CROCC2: variants seen among roughly 807,000 people sequenced by gnomAD.
CROCC2 encodes ciliary rootlet coiled-coil protein 2.
In CROCC2, 163 loss-of-function variants were observed where a neutral mutation model predicts 177.6. The ratio of observed to expected loss-of-function variants is 0.92; its 90% CI spans 0.81 to 1.05. The LOEUF (loss-of-function observed/expected upper bound fraction) is 1.05, where lower values mean the gene tolerates loss of function less well. Among genes scored for constraint, CROCC2 ranks in the 50% least tolerant of loss-of-function variants. CROCC2 has a pLI of 0.00. For missense variants in CROCC2, 1,929 were observed against 1,797.8 expected, an observed-to-expected ratio of 1.07 and a Z score of -1.32; for synonymous variants, 904 against 787.3, an observed-to-expected ratio of 1.15 and a Z score of -2.48.
intron 30 of CROCC2, 34 bp from the exon 31 acceptor site, chr2:240,991,162 G>A (rs1057318437): frequency 6.7e-7 from 1 of 1,495,218 alleles, no homozygotes. Flanking sequence ...CGTGCAGCCT[G>A]CCCACCTGAC....
intron 21 of CROCC2, 115 bp from the exon 22 acceptor site, chr2:240,964,351 T>G (rs2059662530): frequency 1.6e-6 from 2 of 1,263,380 alleles, no homozygotes; most frequent in Admixed American, 2.2e-5. Context: ...TTGAGGACAC[T>G]GTGCAGAGTC....
chr2:240,988,616 C>A (rs1046243064), intron 28 of CROCC2, 123 bp from the exon 29 acceptor site: 2 of 1,065,262 alleles, frequency 1.9e-6, no homozygotes, highest in Non-Finnish European at 1.2e-6. Context: ...CTTCCTGACG[C>A]TGCCAGCTCT....
chr2:240,966,130 A>G (rs911939754), intron 24 of CROCC2, 95 bp from the exon 25 acceptor site: 8 of 1,253,958 alleles, frequency 6.4e-6, no homozygotes, highest in African/African-American at 3.1e-5. Context: ...CGTCTCCCCA[A>G]CCTCCCATGG....
rs12479396 is a variant in CROCC2 at position 240,949,754 on chromosome 2, G to C, written c.2652+52G>C. Reference sequence around the variant, plus strand: ...GCTTCCTAGAAGGCTACCAGGTCCCGGGGAATGGCAGGCCCTTGGGAGGAG... The same window carrying C: ...GCTTCCTAGAAGGCTACCAGGTCCCCGGGAATGGCAGGCCCTTGGGAGGAG... On this transcript the variant is annotated intron_variant, in intron 17 of 31. Coordinates refer to ENST00000690015, the MANE Select transcript of CROCC2 (RefSeq NM_001351305.2). The surrounding 1 kb of genome is among the most constrained non-coding windows in gnomAD (Gnocchi z 4.5). 6.8e-5 allele frequency: 101 copies of C among 1,493,860 alleles called. No homozygotes were observed. Among genetic ancestry groups the C allele is most frequent in the Non-Finnish European group, 8.9e-5 (99 of 1,114,316 alleles). 92.5% of individuals were successfully genotyped at this position (1,493,860 alleles called of 1,614,324 possible).
intron 1 of CROCC2, among the ~76,000 whole-genome samples, chr2:240,907,610 G>C (rs2059264407): frequency 6.6e-6 from 1 of 152,204 alleles, no homozygotes; most frequent in Non-Finnish European, 1.5e-5. Flanking sequence ...GGTAGATGCA[G>C]GGTTTGCTCA....
At chr2:240,906,991 G>A (rs1024800851) in intron 1 of CROCC2, among the ~76,000 whole-genome samples, 1 of 79,706 alleles carries the variant, frequency 1.3e-5, no homozygotes, top group Non-Finnish European at 3.2e-5. Flanking sequence ...GCCCGGGGCC[G>A]CTGCTGGCTG....
At position 240,973,030 on chromosome 2, in the gene CROCC2, C is replaced by CAG. The variant is rs899967267; in HGVS notation, c.4401+4769_4401+4770dup. On this transcript the variant is annotated intron_variant, in intron 27 of 31. Transcript: ENST00000690015. The surrounding 1 kb of genome is among the most constrained non-coding windows in gnomAD (Gnocchi z 4.7). ...AGGGGGGTGCTAGGGTCCAGTAGGG[C>CAG]AGGCCTGGTGCCTCTCCTGGCTCTG... Among the ~76,000 whole-genome samples, 14 of 152,268 alleles carry CAG rather than the reference C, an allele frequency of 9.2e-5. No individual in the cohort carries two copies. Among genetic ancestry groups the CAG allele is most frequent in the African/African-American group, 3.1e-4 (13 of 41,566 alleles).
chr2:240,921,061 A>G (rs747399845), intron 3 of CROCC2, among the ~76,000 whole-genome samples: 2 of 152,318 alleles, frequency 1.3e-5, no homozygotes, highest in Non-Finnish European at 2.9e-5. Flanking sequence ...CCCAGGCCAC[A>G]CCACCATTAC....
intron 1 of CROCC2, among the ~76,000 whole-genome samples, chr2:240,914,527 G>GCGCT (rs1324985160): frequency 6.6e-6 from 1 of 152,190 alleles, no homozygotes; most frequent in Non-Finnish European, 1.5e-5. Context: ...GCCCCCTGCA[G>GCGCT]CGCTCCTCGC....
chr2:240,930,161 T>C lies in CROCC2; in HGVS notation c.646-5T>C. ...TGAAGTAGACAGGAGGCCTCTTGCT[T>C]TCAGACCCGGTCAGGGGGCCTGGGG... On this transcript the variant is annotated splice_region_variant and splice_polypyrimidine_tract_variant and intron_variant, in intron 5 of 31. Coordinates refer to ENST00000690015, the MANE Select transcript of CROCC2 (RefSeq NM_001351305.2). 1 of 544,558 alleles carries C rather than the reference T, an allele frequency of 1.8e-6. No homozygotes were observed. The highest frequency in any genetic ancestry group is 3.4e-6 in the Non-Finnish European group (1 of 298,430). The allele number at this position is 544,558 out of a possible 1,614,324, so 33.7% of individuals were successfully genotyped here.
Position 240,933,859 on chromosome 2 carries a change from G to A in CROCC2, c.1646+7G>A, listed in dbSNP as rs978138230. On this transcript the variant is annotated splice_region_variant and intron_variant, in intron 11 of 31. Coordinates refer to ENST00000690015, the MANE Select transcript of CROCC2 (RefSeq NM_001351305.2). The stretch of plus-strand genomic sequence containing the variant: ...GCAGGGCACTGGAGACCAGGTGCGC[G>A]GCCGTGGCTGGGTGGGCAGGGCCCC... 1.6e-5 allele frequency: 24 copies of A among 1,540,064 alleles called. No individual in the cohort carries two copies. The highest frequency in any genetic ancestry group is 7.9e-5 in the Admixed American group (4 of 50,808).
chr2:240,934,210 C>T, intron 11 of CROCC2, 121 bp from the exon 12 acceptor site: 1 of 1,142,598 alleles, frequency 8.8e-7, no homozygotes, highest in Non-Finnish European at 1.2e-6. Flanking sequence ...CCAGGGACTC[C>T]ATGCTCCTCC....
At chr2:240,907,432 C>A (rs569353830) in intron 1 of CROCC2, among the ~76,000 whole-genome samples, 10 of 152,204 alleles carry the variant, frequency 6.6e-5, no homozygotes, top group African/African-American at 2.2e-4. Context: ...ACGGACCCCT[C>A]GGGACCCCAG....
intron 14 of CROCC2, among the ~76,000 whole-genome samples, chr2:240,941,183 A>C (rs1027280422): frequency 3.3e-5 from 5 of 152,214 alleles, no homozygotes; most frequent in East Asian, 1.9e-4. Flanking sequence ...GAAATCATAG[A>C]CGACACAAAC....
chr2:240,949,625 G>C lies in CROCC2; in HGVS notation c.2575G>C (p.Glu859Gln), dbSNP rs1242036956. ...VRLQRQVAQQ[E>Q]REAQRALESQ... The stretch of plus-strand genomic sequence containing the variant: ...GCTCCAGCGACAGGTGGCACAGCAG[G>C]AGCGGGAGGCACAGCGGGCCCTGGA... The change falls in exon 17 of 32, where the codon GAG (glutamate) becomes CAG (glutamine). Residue 859 changes from glutamate to glutamine, a missense_variant. Transcript: ENST00000690015. The surrounding 1 kb of genome is among the most constrained non-coding windows in gnomAD (Gnocchi z 4.5). 6.4e-7 allele frequency: 1 copy of C among 1,550,462 alleles called. No homozygotes were observed. The highest frequency in any genetic ancestry group is 8.7e-7 in the Non-Finnish European group (1 of 1,146,950).
At chr2:240,932,589 G>A in intron 8 of CROCC2, 113 bp from the exon 9 acceptor site, 2 of 696,314 alleles carry the variant, frequency 2.9e-6, no homozygotes, top group Non-Finnish European at 5.3e-6. Flanking sequence ...TGTCCTCCCA[G>A]TGGCAAAGGT....
rs903371960 is a variant in CROCC2, at chr2:240,918,682, G to A, written c.79-44G>A. 1.8e-6 allele frequency: 1 copy of A among 542,478 alleles called. No homozygotes were observed. The highest frequency in any genetic ancestry group is 3.3e-6 in the Non-Finnish European group (1 of 301,198). The allele number at this position is 542,478 out of a possible 1,614,324, so 33.6% of individuals were successfully genotyped here. ...GGATCGTAGAGGGTGCCTGGCAGCTGTTGGGGGCTGCCATCTCCAGGTATC... is the reference window on the plus strand; with the variant it reads ...GGATCGTAGAGGGTGCCTGGCAGCTATTGGGGGCTGCCATCTCCAGGTATC... On this transcript the variant is annotated intron_variant, in intron 1 of 31. Coordinates refer to ENST00000690015, the MANE Select transcript of CROCC2 (RefSeq NM_001351305.2). This position sits in a 1 kb window ranked among gnomAD's most constrained non-coding sequence, Gnocchi z 6.3.
At chr2:240,962,741 A>T (rs2059651922) in intron 20 of CROCC2, among the ~76,000 whole-genome samples, 1 of 152,122 alleles carries the variant, frequency 6.6e-6, no homozygotes, top group African/African-American at 2.4e-5. Context: ...AGCCTTCTCC[A>T]GGGTTTCTGG....
rs1395174741 is a variant in CROCC2, at chr2:240,967,399, T to C, written c.4201T>C (p.Cys1401Arg). The C allele has an allele frequency of 1.1e-6, 1 of 895,418 alleles. No individual in the cohort carries two copies. Among genetic ancestry groups the C allele is most frequent in the Admixed American group, 2.0e-5 (1 of 50,152 alleles). 55.5% of individuals were successfully genotyped at this position (895,418 alleles called of 1,614,324 possible). ...GAGCAGCCGGCTGAGCGAGGCAGAG[T>C]GCAGGTGTGCCCGGGCCCAGAGCCG... is the stretch of plus-strand genomic sequence containing the variant. Reference protein sequence around the residue: ...TLSSRLSEAECRCARAQSRVG... With the variant: ...TLSSRLSEAERRCARAQSRVG... The change falls in exon 26 of 32, where the codon TGC becomes CGC. Residue 1401 changes from cysteine to arginine, a missense_variant. Coordinates refer to ENST00000690015, the MANE Select transcript of CROCC2 (RefSeq NM_001351305.2).
Sources: gnomAD v4.1 joint callset for allele counts (sites outside exome capture counted in the v4.1 genomes callset) on GRCh38, gnomAD v4.1.1 for gene constraint, Gnocchi (gnomAD v3.1) non-coding constraint, MANE v1.5 for transcripts, NCBI Gene and HGNC (gene_info 2026-07-23, HGNC 2026-07-21) for gene names.